The following CEP112 variants were observed in gnomAD, a reference collection of about 807,000 sequenced individuals.
The protein encoded by CEP112 is centrosomal protein 112.
CEP112 carries 127 observed loss-of-function variants against 153.0 expected under a neutral mutation model. That is an observed-to-expected ratio of 0.83 (90% CI 0.72 to 0.96). The LOEUF is 0.96. Ranked by LOEUF, CEP112 falls within the 40% of genes least tolerant of loss-of-function variation. The probability of loss-of-function intolerance (pLI) is 0.00; values close to 1 mark genes in which losing one functional copy is unlikely to be tolerated. For synonymous variants in CEP112, 358 were observed against 374.4 expected (o/e 0.96, Z 0.51); for missense variants, 1,089 against 1,101.2 (o/e 0.99, Z 0.16).
intron 11 of CEP112, among the ~76,000 whole-genome samples, chr17:66,058,835 G>C (rs2066810872): frequency 1.3e-5 from 2 of 152,156 alleles, no homozygotes; most frequent in Non-Finnish European, 2.9e-5. Flanking sequence ...CTGGGTGACA[G>C]AGCAAGACCC....
Position 65,927,581 on chromosome 17 carries a change from C to T in CEP112, c.1980+1G>A, listed in dbSNP as rs772133327. ...TGGCAGCATCAAAATGAAAGACCAA[C>T]CTGTTGTTCATACCGCTGTCTGATG... On this transcript the variant is annotated splice_donor_variant, in intron 19 of 26. Transcript: ENST00000535342. LOFTEE classifies it high-confidence loss of function. The T allele has an allele frequency of 1.9e-6, 3 of 1,554,784 alleles. No homozygotes were observed. The highest frequency in any genetic ancestry group is 2.5e-5 in the South Asian group (2 of 81,622).
intron 8 of CEP112, among the ~76,000 whole-genome samples, chr17:66,074,604 C>T (rs1017882902): frequency 2.6e-5 from 4 of 152,116 alleles, no homozygotes; most frequent in Non-Finnish European, 1.5e-5. Context: ...GTGGCTCACA[C>T]CTGTAATCCC....
chr17:65,711,985 C>T (rs915497159), intron 23 of CEP112, among the ~76,000 whole-genome samples: 2 of 152,180 alleles, frequency 1.3e-5, no homozygotes, highest in Admixed American at 6.5e-5. Flanking sequence ...AAATAAAACA[C>T]CACTATCACT....
intron 20 of CEP112, among the ~76,000 whole-genome samples, chr17:65,898,614 A>G (rs146104433): frequency 2.3e-3 from 351 of 152,142 alleles, no homozygotes; most frequent in African/African-American, 8.1e-3. Flanking sequence ...GGAATTAAGA[A>G]AGGCATTTGG....
chr17:66,085,216 C>T (rs143401621), intron 8 of CEP112, among the ~76,000 whole-genome samples: 1 of 152,248 alleles, frequency 6.6e-6, no homozygotes, highest in East Asian at 1.9e-4. Flanking sequence ...AAAATTCACA[C>T]ATTTACACAA....
intron 21 of CEP112, among the ~76,000 whole-genome samples, chr17:65,829,538 C>T: frequency 6.6e-6 from 1 of 152,130 alleles, no homozygotes; most frequent in Non-Finnish European, 1.5e-5. Context: ...CCCAACATCC[C>T]TGAGTCTCTT....
intron 16 of CEP112, among the ~76,000 whole-genome samples, chr17:66,010,762 A>G (rs926399847): frequency 6.6e-6 from 1 of 152,182 alleles, no homozygotes; most frequent in Non-Finnish European, 1.5e-5. Flanking sequence ...AATTGCATTT[A>G]TTGATTTGCA....
At chr17:65,735,386 T>C (rs1286393817) in intron 23 of CEP112, among the ~76,000 whole-genome samples, 3 of 152,178 alleles carry the variant, frequency 2.0e-5, no homozygotes, top group Non-Finnish European at 4.4e-5. Flanking sequence ...CCTACTTCAG[T>C]ATGCAGCAGA....
chr17:65,956,797 A>C (rs576626235), intron 18 of CEP112, among the ~76,000 whole-genome samples: 1 of 152,272 alleles, frequency 6.6e-6, no homozygotes, highest in African/African-American at 2.4e-5. Flanking sequence ...TAAAAAATTT[A>C]AAAATATATA....
chr17:66,045,723 C>T (rs1487718352), intron 12 of CEP112, among the ~76,000 whole-genome samples: 2 of 152,126 alleles, frequency 1.3e-5, no homozygotes, highest in African/African-American at 4.8e-5. Context: ...ATGTTCTGGG[C>T]ATAATTTATT....
At chr17:65,868,268 A>C (rs1404152501) in intron 20 of CEP112, among the ~76,000 whole-genome samples, 3 of 152,078 alleles carry the variant, frequency 2.0e-5, no homozygotes, top group Admixed American at 1.3e-4. Flanking sequence ...CAGAGGGCGA[A>C]GAAGACGGAT....
intron 12 of CEP112, among the ~76,000 whole-genome samples, chr17:66,041,093 C>T (rs1443195284): frequency 5.4e-5 from 1 of 18,630 alleles, no homozygotes; most frequent in African/African-American, 1.4e-4. Flanking sequence ...CAGTAAATGG[C>T]TTGGTAAAAA....
chr17:65,984,250 A>G (rs2063326327), intron 17 of CEP112, among the ~76,000 whole-genome samples: 1 of 152,158 alleles, frequency 6.6e-6, no homozygotes, highest in Non-Finnish European at 1.5e-5. Flanking sequence ...TGTTGTCTCT[A>G]TGACAGTGAT....
chr17:66,166,616 A>T lies in CEP112; in HGVS notation c.470+8428T>A, dbSNP rs1888010784. On this transcript the variant is annotated intron_variant, in intron 4 of 26. Transcript: ENST00000535342. ...AACTAAAATCAAAATATTAGTTACC[A>T]GCCGAGCACGGTGGCTCACACCTGT... Among the ~76,000 whole-genome samples, 3 of 152,142 alleles carry T rather than the reference A, an allele frequency of 2.0e-5. No homozygotes were observed. The South Asian group carries it at 6.2e-4, about 32-fold the overall frequency.
intron 18 of CEP112, among the ~76,000 whole-genome samples, chr17:65,955,696 A>G (rs1383092330): frequency 6.6e-6 from 1 of 152,228 alleles, no homozygotes; most frequent in Non-Finnish European, 1.5e-5. Flanking sequence ...GAGCAGGAGT[A>G]GCTATTCTTA....
intron 21 of CEP112, among the ~76,000 whole-genome samples, chr17:65,818,288 AAG>A (rs1223662182): frequency 6.6e-6 from 1 of 151,934 alleles, no homozygotes; most frequent in Non-Finnish European, 1.5e-5. Flanking sequence ...CTACCATGAA[AAG>A]AGTTTTTAAA....
chr17:66,174,957 A>T (rs2072407589), intron 4 of CEP112, 87 bp downstream of exon 4: 1 of 948,818 alleles, frequency 1.1e-6, no homozygotes, highest in South Asian at 3.7e-5. Context: ...TTCCATTATA[A>T]AAAAAAGGAA....
Position 65,860,698 on chromosome 17 carries a change from T to A in CEP112, c.2164-8664A>T, listed in dbSNP as rs568747555. Reference sequence around the variant, plus strand: ...AAGAAGTTATTCATATTGGGAAAAATAAAAGCAAGCCCCTATCTTACACAA... The same window carrying A: ...AAGAAGTTATTCATATTGGGAAAAAAAAAAGCAAGCCCCTATCTTACACAA... On this transcript the variant is annotated intron_variant, in intron 20 of 26. Transcript: ENST00000535342. Among the ~76,000 whole-genome samples, 318 of 152,180 alleles carry A rather than the reference T, an allele frequency of 2.1e-3. 2 individuals carry two copies. The highest frequency in any genetic ancestry group is 7.2e-3 in the African/African-American group (297 of 41,524).
chr17:65,791,186 TA>T (rs1341737417), intron 21 of CEP112, among the ~76,000 whole-genome samples: 1 of 151,928 alleles, frequency 6.6e-6, no homozygotes, highest in East Asian at 1.9e-4. Flanking sequence ...GGATGAAAAA[TA>T]AAACAAGAAA....
Sources: allele counts gnomAD v4.1 joint callset (sites outside exome capture counted in the v4.1 genomes callset), GRCh38; gene constraint gnomAD v4.1.1; transcripts MANE v1.5; gene names NCBI Gene and HGNC (gene_info 2026-07-23, HGNC 2026-07-21).